SORCS3: variants seen among roughly 807,000 people sequenced by gnomAD.
SORCS3 encodes sortilin related VPS10 domain containing receptor 3.
A neutral mutation model predicts 146.3 loss-of-function variants in SORCS3; 57 were observed. The observed-to-expected ratio is 0.39, with a 90% CI of 0.31 to 0.49. SORCS3 has a LOEUF of 0.49. Ranked by LOEUF, SORCS3 falls within the 20% of genes least tolerant of loss-of-function variation. SORCS3 has a pLI of 0.92. For synonymous variants in SORCS3, 653 were observed against 618.5 expected (o/e 1.06, Z -0.83); for missense variants, 1,341 against 1,575.5 (o/e 0.85, Z 2.52).
At chr10:104,902,698 G>A (rs1451801586) in intron 2 of SORCS3, among the ~76,000 whole-genome samples, 1 of 152,174 alleles carries the variant, frequency 6.6e-6, no homozygotes, top group East Asian at 1.9e-4. Flanking sequence ...GTTGTAGGAA[G>A]GAATGAAAGC....
At chr10:105,056,749 T>C (rs1361607327) in intron 5 of SORCS3, among the ~76,000 whole-genome samples, 2 of 152,244 alleles carry the variant, frequency 1.3e-5, no homozygotes, top group Admixed American at 1.3e-4. Context: ...GTGTACCAAA[T>C]GTACATTTTT....
chr10:105,236,132 T>A (rs1168607124), intron 20 of SORCS3, among the ~76,000 whole-genome samples: 2 of 152,098 alleles, frequency 1.3e-5, no homozygotes, highest in African/African-American at 4.8e-5. Flanking sequence ...ATTTCTGGGA[T>A]TATTCTTCAC....
At chr10:104,737,761 C>T (rs1337371663) in intron 1 of SORCS3, among the ~76,000 whole-genome samples, 1 of 151,500 alleles carries the variant, frequency 6.6e-6, no homozygotes, top group Non-Finnish European at 1.5e-5. Flanking sequence ...TTTTGCTGTG[C>T]AGAAGCTCTT....
chr10:105,090,731 A>G (rs1464301397), intron 6 of SORCS3, among the ~76,000 whole-genome samples: 1 of 151,924 alleles, frequency 6.6e-6, no homozygotes, highest in Admixed American at 6.6e-5. Context: ...CTGGGCTGTA[A>G]CTCCCTCTGT....
At chr10:104,978,887 C>T (rs1335398306) in intron 4 of SORCS3, among the ~76,000 whole-genome samples, 1 of 152,196 alleles carries the variant, frequency 6.6e-6, no homozygotes, top group Non-Finnish European at 1.5e-5. Context: ...CCAGCCCCTG[C>T]CTGATCTGGT....
intron 5 of SORCS3, among the ~76,000 whole-genome samples, chr10:105,063,629 G>C (rs1301665535): frequency 6.6e-6 from 1 of 152,168 alleles, no homozygotes; most frequent in Non-Finnish European, 1.5e-5. Flanking sequence ...ACATGTTTTT[G>C]GTGGAGGTAG....
chr10:104,678,148 C>CA (rs2015932532), intron 1 of SORCS3, among the ~76,000 whole-genome samples: 2 of 136,898 alleles, frequency 1.5e-5, no homozygotes, highest in African/African-American at 5.2e-5. Flanking sequence ...CCCATTGAAG[C>CA]AACAATAAAG....
At chr10:105,016,156 T>TATA (rs1554868994) in intron 4 of SORCS3, among the ~76,000 whole-genome samples, 1,321 of 74,614 alleles carry the variant, frequency 0.018, 13 homozygotes, top group African/African-American at 0.069. Context: ...TATATATATA[T>TATA]TTTTTTTTTT....
At chr10:105,120,914 G>A (rs1026167148) in intron 7 of SORCS3, among the ~76,000 whole-genome samples, 18 of 152,180 alleles carry the variant, frequency 1.2e-4, no homozygotes, top group African/African-American at 4.3e-4. Context: ...ATGGGCATGA[G>A]AAGTAAGGGT....
chr10:105,225,518 A>T (rs1285009479), intron 20 of SORCS3, among the ~76,000 whole-genome samples: 2 of 151,956 alleles, frequency 1.3e-5, no homozygotes, highest in African/African-American at 4.8e-5. Flanking sequence ...GAGTAGAGTC[A>T]GTTCTTCAAC....
In SORCS3 at chr10:105,157,255, C is replaced by T; in HGVS notation, c.1600C>T (p.Leu534=). The change falls in exon 10 of 27, where the codon CTG becomes TTG. Residue 534 remains leucine (L), a synonymous_variant. Transcript: ENST00000369701. ...WRLLQAPDVD[L]RGSPVHCLLP... ...CCTGCTGCAAGCTCCGGATGTGGAC[C>T]TGAGAGGAAGCCCAGTGCACTGCCT... 6.2e-7 allele frequency: 1 copy of T among 1,614,058 alleles called. No individual in the cohort carries two copies. The highest frequency in any genetic ancestry group is 8.5e-7 in the Non-Finnish European group (1 of 1,179,958).
intron 1 of SORCS3, among the ~76,000 whole-genome samples, chr10:104,683,441 C>T (rs538492555): frequency 2.6e-4 from 39 of 152,302 alleles, no homozygotes; most frequent in Non-Finnish European, 4.3e-4. Context: ...AAAGAAGTGG[C>T]CAGCTAAGAC....
At chr10:105,137,847 T>C (rs1041985493) in intron 7 of SORCS3, among the ~76,000 whole-genome samples, 1 of 149,788 alleles carries the variant, frequency 6.7e-6, no homozygotes, top group African/African-American at 2.4e-5. Context: ...TTTACATGTG[T>C]TGGTTTTCTA....
chr10:104,795,054 G>A lies in SORCS3; in HGVS notation c.628-47738G>A, dbSNP rs371391536. Among the ~76,000 whole-genome samples, 17 of 152,234 alleles carry A rather than the reference G, an allele frequency of 1.1e-4. No individual in the cohort carries two copies. In the South Asian group the frequency reaches 3.5e-3, roughly 32 times the overall value. On this transcript the variant is annotated intron_variant, in intron 1 of 26. Transcript: ENST00000369701. The stretch of plus-strand genomic sequence containing the variant: ...TTTGAAACACTCACTTGACAATACT[G>A]AAATGACATTCAAAGACAATGTAAC...
At chr10:105,053,829 A>G (rs1375549208) in intron 5 of SORCS3, among the ~76,000 whole-genome samples, 1 of 152,070 alleles carries the variant, frequency 6.6e-6, no homozygotes. Context: ...AAACATTATA[A>G]TGTTGTTTTA....
At chr10:105,088,517 G>A (rs191479403) in intron 5 of SORCS3, among the ~76,000 whole-genome samples, 6 of 120,112 alleles carry the variant, frequency 5.0e-5, no homozygotes, top group South Asian at 4.7e-4. Flanking sequence ...ACTTGCTGCC[G>A]AAGTAATAAT....
intron 4 of SORCS3, among the ~76,000 whole-genome samples, chr10:105,018,367 A>G (rs1481646506): frequency 1.3e-5 from 2 of 152,148 alleles, no homozygotes; most frequent in Non-Finnish European, 2.9e-5. Context: ...ACCCTAAACT[A>G]ATGGCCAAGG....
Position 105,200,069 on chromosome 10 carries a change from C to A in SORCS3, c.2080C>A (p.Arg694=), listed in dbSNP as rs202188584. 282 of 1,613,708 alleles carry A rather than the reference C, an allele frequency of 1.7e-4. 2 individuals are homozygous for A. Among genetic ancestry groups the A allele is most frequent in the Middle Eastern group, 8.3e-4 (5 of 6,052 alleles). Residue 694 remains arginine, a synonymous_variant, in exon 15 of 27, where the codon CGG becomes AGG. Transcript: ENST00000369701. ...AGTGGACTACAAATCTATCTTCAGC[C>A]GGCATTGCACCAAGGAGGACTATCA... ...VKVDYKSIFS[R]HCTKEDYQTW... is the part of the protein sequence containing the mutation.
intron 4 of SORCS3, among the ~76,000 whole-genome samples, chr10:104,997,783 CA>C (rs1170872016): frequency 6.6e-6 from 1 of 152,142 alleles, no homozygotes; most frequent in African/African-American, 2.4e-5. Context: ...TTTCATTCAG[CA>C]AATCTTTACT....
Sources: allele counts gnomAD v4.1 joint callset (sites outside exome capture counted in the v4.1 genomes callset), GRCh38; gene constraint gnomAD v4.1.1; transcripts MANE v1.5; gene names NCBI Gene and HGNC (gene_info 2026-07-23, HGNC 2026-07-21).